Variants in PPP1R9B observed in about 807,000 individuals in gnomAD.
PPP1R9B encodes the protein neurabin-2.
Under a neutral mutation model 75.8 loss-of-function variants are expected in PPP1R9B, and 17 were observed. That is an observed-to-expected ratio of 0.22 (90% CI 0.15 to 0.34). The LOEUF is 0.34. Ranked by LOEUF, PPP1R9B falls within the 10% of genes least tolerant of loss-of-function variation. PPP1R9B has a pLI of 1.00. For synonymous variants in PPP1R9B, 509 were observed against 535.4 expected (o/e 0.95, Z 0.68); for missense variants, 875 against 1,196.0 (o/e 0.73, Z 3.96).
chr17:50,135,616 C>T lies in PPP1R9B; in HGVS notation c.2337G>A (p.Gln779=), dbSNP rs764798599. The T allele has an allele frequency of 1.2e-6, 2 of 1,610,608 alleles. No homozygotes were observed. The highest frequency in any genetic ancestry group is 1.7e-6 in the Non-Finnish European group (2 of 1,178,414). ...EIEFLKKETA[Q]RRVLEESELA... is the part of the protein sequence containing the mutation. Reference sequence around the variant, plus strand: ...GCTCCGACTCCTCCAGAACCCGACGCTGTGCAGTCTCCTTTTTCAGGAACT... The same window carrying T: ...GCTCCGACTCCTCCAGAACCCGACGTTGTGCAGTCTCCTTTTTCAGGAACT... The change falls in exon 9 of 10, where the codon CAG becomes CAA. Residue 779 remains glutamine, a synonymous_variant. Transcript: ENST00000612501.
rs1475370188 is a variant in PPP1R9B at position 50,150,056 on chromosome 17, C to A, written c.458G>T (p.Arg153Leu). 7 of 1,462,450 alleles carry A rather than the reference C, an allele frequency of 4.8e-6. 1 individual carries two copies. In the South Asian group the frequency reaches 6.6e-5, roughly 14 times the overall value. 90.6% of individuals were successfully genotyped at this position (1,462,450 alleles called of 1,614,324 possible). The change falls in exon 1 of 10, where the codon CGG becomes CTG. Residue 153 changes from arginine to leucine, a missense_variant. Arg to Leu is a moderately radical substitution (Grantham distance 102, BLOSUM62 -2). This residue lies in a region of PPP1R9B where 449 missense variants were observed against 475.0 expected (regional missense o/e 0.95). Transcript: ENST00000612501. This position sits in a 1 kb window ranked among gnomAD's most constrained non-coding sequence, Gnocchi z 8.7. ...RLQETRKLFE[R>L]SAPAAAGGDK... is the part of the protein sequence containing the mutation. ...GCCGCCTGCGGCCGCTGGGGCGCTC[C>A]GTTCGAACAGCTTCCGCGTCTCCTG...
At chr17:50,136,230 G>A (rs1162649527) in intron 7 of PPP1R9B, 33 bp from the exon 8 acceptor site, 1 of 1,571,520 alleles carries the variant, frequency 6.4e-7, no homozygotes. Flanking sequence ...TGGGTTGGTG[G>A]GGGCCAGCAG....
intron 1 of PPP1R9B, among the ~76,000 whole-genome samples, chr17:50,147,103 T>C (rs532643214): frequency 6.6e-6 from 1 of 152,322 alleles, no homozygotes; most frequent in African/African-American, 2.4e-5. Context: ...GGCTGCACCC[T>C]GCCCTCTTCT....
Position 50,142,947 on chromosome 17 carries a change from C to T in PPP1R9B, c.1625+651G>A. ...CCCAGCCACACCTGCCTGCTCATGG[C>T]GCCACTGCCTGGAACCTCTGCACTC... On this transcript the variant is annotated intron_variant, in intron 3 of 9. Transcript: ENST00000612501. The surrounding 1 kb of genome is among the most constrained non-coding windows in gnomAD (Gnocchi z 4.1). 6.6e-6 allele frequency among the ~76,000 whole-genome samples: 1 copy of T among 152,152 alleles called. No homozygotes were observed. Among genetic ancestry groups the T allele is most frequent in the East Asian group, 1.9e-4 (1 of 5,196 alleles).
At chr17:50,141,902 G>C (rs1912392774) in intron 3 of PPP1R9B, among the ~76,000 whole-genome samples, 1 of 152,110 alleles carries the variant, frequency 6.6e-6, no homozygotes, top group Non-Finnish European at 1.5e-5. Context: ...TCACACTCTT[G>C]TCCCCTCCTT....
rs1325745631 is a variant in PPP1R9B at position 50,134,206 on chromosome 17, T to A, written c.*1125A>T. On this transcript the variant is annotated 3_prime_UTR_variant, in exon 10 of 10. Transcript: ENST00000612501. ...CCTTGGTCCAAGCCCCAATTTGGGG[T>A]TAAAGTGGGGAAACAGAGTCGATTT... The A allele has an allele frequency of 6.6e-6, 1 of 152,438 alleles. No homozygotes were observed. Among genetic ancestry groups the A allele is most frequent in the Non-Finnish European group, 1.5e-5 (1 of 67,988 alleles). The allele number at this position is 152,438 out of a possible 1,614,324, so 9.4% of individuals were successfully genotyped here.
intron 1 of PPP1R9B, among the ~76,000 whole-genome samples, chr17:50,147,037 C>G (rs889262837): frequency 6.6e-6 from 1 of 152,228 alleles, no homozygotes; most frequent in Non-Finnish European, 1.5e-5. Flanking sequence ...CTCCCTGACA[C>G]ACATGGACAC....
intron 2 of PPP1R9B, 135 bp downstream of exon 2, chr17:50,144,978 A>T: frequency 8.7e-7 from 1 of 1,142,992 alleles, no homozygotes; most frequent in Non-Finnish European, 1.2e-6. Flanking sequence ...GAAGGTCACC[A>T]AGGGCCTGAG....
rs548784451 is a variant in PPP1R9B at position 50,149,904 on chromosome 17, C to T, written c.610G>A (p.Val204Met). 6 of 1,506,896 alleles carry T rather than the reference C, an allele frequency of 4.0e-6. No individual in the cohort carries two copies. The African/African-American group carries it at 4.3e-5, about 11-fold the overall frequency. The allele number at this position is 1,506,896 out of a possible 1,614,324, so 93.3% of individuals were successfully genotyped here. A position where few individuals can be genotyped will look rare whatever the true frequency, so the allele number is the denominator to read the frequency against. Residue 204 changes from valine (V) to methionine (M), a missense_variant, in exon 1 of 10, where the codon GTG becomes ATG. Physicochemically the swap from Val to Met is conservative, Grantham distance 21. Coordinates refer to ENST00000612501, the MANE Select transcript of PPP1R9B (RefSeq NM_032595.5). The surrounding 1 kb of genome is among the most constrained non-coding windows in gnomAD (Gnocchi z 7.2). The stretch of plus-strand genomic sequence containing the variant: ...CTGAGCTGGCTGACCGTGGGGGACA[C>T]GGCGTCAGCGTCCAGCTTGTCCAGC... ...EALDKLDADA[V>M]SPTVSQLSAV...
intron 2 of PPP1R9B, 60 bp downstream of exon 2, chr17:50,145,053 G>A (rs1912480153): frequency 1.3e-6 from 2 of 1,588,074 alleles, no homozygotes; most frequent in Non-Finnish European, 1.7e-6. Flanking sequence ...GCTGGTGCCA[G>A]AGATGAGACC....
chr17:50,148,898 G>C (rs1240187489), intron 1 of PPP1R9B, among the ~76,000 whole-genome samples: 1 of 152,214 alleles, frequency 6.6e-6, no homozygotes, highest in Non-Finnish European at 1.5e-5. Flanking sequence ...GGCGGGGCGG[G>C]GCAGCAGGCG....
intron 1 of PPP1R9B, among the ~76,000 whole-genome samples, chr17:50,147,376 G>A (rs1178391465): frequency 1.3e-5 from 2 of 152,222 alleles, no homozygotes; most frequent in African/African-American, 2.4e-5. Flanking sequence ...TTGGCATCAA[G>A]GCAGGGGCAG....
Position 50,143,584 on chromosome 17 carries a change from G to C in PPP1R9B, c.1625+14C>G, listed in dbSNP as rs1378493405. The C allele has an allele frequency of 1.9e-6, 3 of 1,613,710 alleles. No individual in the cohort carries two copies. Among genetic ancestry groups the C allele is most frequent in the Non-Finnish European group, 2.5e-6 (3 of 1,179,852 alleles). ...AGGGAAAAAGGGTCAGGCGAGACTG[G>C]GGAGGATTGGTACCTGCCATCCCGA... On this transcript the variant is annotated intron_variant, in intron 3 of 9. Coordinates refer to ENST00000612501, the MANE Select transcript of PPP1R9B (RefSeq NM_032595.5).
chr17:50,139,622 G>C lies in PPP1R9B; in HGVS notation c.1867-41C>G. 1 of 1,517,420 alleles carries C rather than the reference G, an allele frequency of 6.6e-7. No individual in the cohort carries two copies. Among genetic ancestry groups the C allele is most frequent in the Non-Finnish European group, 8.8e-7 (1 of 1,133,434 alleles). The allele number at this position is 1,517,420 out of a possible 1,614,324, so 94.0% of individuals were successfully genotyped here. On this transcript the variant is annotated intron_variant, in intron 5 of 9. Transcript: ENST00000612501. The surrounding 1 kb of genome is among the most constrained non-coding windows in gnomAD (Gnocchi z 5.0). Reference sequence around the variant, plus strand: ...GGAGACTGTGGGCCCACCCCACCCAGCTGCCCTCAGCCCTGATGACCAGGG... The same window carrying C: ...GGAGACTGTGGGCCCACCCCACCCACCTGCCCTCAGCCCTGATGACCAGGG...
intron 2 of PPP1R9B, 53 bp downstream of exon 2, chr17:50,145,060 G>C: frequency 1.3e-6 from 2 of 1,597,824 alleles, no homozygotes; most frequent in Non-Finnish European, 8.5e-7. Flanking sequence ...CCAGAGATGA[G>C]ACCCGGGTCA....
chr17:50,149,047 TCA>T lies in PPP1R9B; in HGVS notation c.1371+94_1371+95del, dbSNP rs1912598060. On this transcript the variant is annotated intron_variant, in intron 1 of 9. Transcript: ENST00000612501. The surrounding 1 kb of genome is among the most constrained non-coding windows in gnomAD (Gnocchi z 7.2). ...AGGGGGCTGGGTGGCAGGGGCTGAC[TCA>T]GCCTGCCAAACCCGGCTGGCTGGCT... The T allele has an allele frequency of 1.2e-5, 11 of 925,318 alleles. No homozygotes were observed. The highest frequency in any genetic ancestry group is 1.5e-5 in the Non-Finnish European group (10 of 666,272). 57.3% of individuals were successfully genotyped at this position (925,318 alleles called of 1,614,324 possible).
intron 9 of PPP1R9B, 74 bp downstream of exon 9, chr17:50,135,479 C>T: frequency 1.3e-6 from 2 of 1,579,608 alleles, no homozygotes; most frequent in Non-Finnish European, 1.7e-6. Flanking sequence ...TCCCCTCCCT[C>T]CAGGACCCAC....
At position 50,149,956 on chromosome 17, in the gene PPP1R9B, C is replaced by A; in HGVS notation, c.558G>T (p.Val186=). Reference sequence around the variant, plus strand: ...CCTCGGTGCTGCCGTTGAAGCGCACCACGACGTCCAGCTTCCGGTCCTGCA... The same window carrying A: ...CCTCGGTGCTGCCGTTGAAGCGCACAACGACGTCCAGCTTCCGGTCCTGCA... ...AGLQDRKLDV[V]VRFNGSTEAL... is the part of the protein sequence containing the mutation. The change falls in exon 1 of 10, where the codon GTG becomes GTT. Residue 186 remains valine (V), a synonymous_variant. Coordinates refer to ENST00000612501, the MANE Select transcript of PPP1R9B (RefSeq NM_032595.5). The surrounding 1 kb of genome is among the most constrained non-coding windows in gnomAD (Gnocchi z 7.2). 1 of 1,514,766 alleles carries A rather than the reference C, an allele frequency of 6.6e-7. No homozygotes were observed. The highest frequency in any genetic ancestry group is 8.8e-7 in the Non-Finnish European group (1 of 1,139,572). The allele number at this position is 1,514,766 out of a possible 1,614,324, so 93.8% of individuals were successfully genotyped here. A position where few individuals can be genotyped will look rare whatever the true frequency, so the allele number is the denominator to read the frequency against.
chr17:50,140,456 C>T (rs747483984), intron 4 of PPP1R9B: 16 of 590,464 alleles, frequency 2.7e-5, no homozygotes, highest in Admixed American at 6.3e-5. Flanking sequence ...GCCAGTATTG[C>T]GGGAGGGAGA....
Sources: allele counts gnomAD v4.1 joint callset (sites outside exome capture counted in the v4.1 genomes callset), GRCh38; gene constraint gnomAD v4.1.1; regional missense constraint gnomAD v4.1.1; non-coding constraint Gnocchi (gnomAD v3.1); transcripts MANE v1.5; gene names NCBI Gene and HGNC (gene_info 2026-07-23, HGNC 2026-07-21).